VPS37B: variants seen among roughly 807,000 people sequenced by gnomAD.
VPS37B encodes vacuolar protein sorting-associated protein 37B.
A neutral mutation model predicts 21.2 loss-of-function variants in VPS37B; 11 were observed. The ratio of observed to expected loss-of-function variants is 0.52; its 90% CI spans 0.33 to 0.86. VPS37B has a LOEUF of 0.86. VPS37B is among the 40% of genes least tolerant of loss of function. The probability of loss-of-function intolerance (pLI) is 0.03; values close to 1 mark genes in which losing one functional copy is unlikely to be tolerated. For synonymous variants in VPS37B, 175 were observed against 159.6 expected (o/e 1.10, Z -0.73); for missense variants, 389 against 374.8 (o/e 1.04, Z -0.31).
chr12:122,888,045 C>T (rs2034354596), intron 1 of VPS37B: 2 of 157,708 alleles, frequency 1.3e-5, no homozygotes, highest in Admixed American at 1.3e-4. Flanking sequence ...CTCTACTATC[C>T]TAGACACTGG....
At chr12:122,875,976 A>C (rs1222472397) in intron 1 of VPS37B, 1 of 152,216 alleles carries the variant, frequency 6.6e-6, no homozygotes, top group African/African-American at 2.4e-5. Flanking sequence ...TGTTAACCAT[A>C]GAAAAGTCTT....
intron 1 of VPS37B, chr12:122,878,253 G>T (rs1310529298): frequency 1.3e-5 from 2 of 151,994 alleles, no homozygotes; most frequent in African/African-American, 4.8e-5. Context: ...CAGCTACTCA[G>T]GAGGCTGAGG....
chr12:122,879,454 T>G (rs1253651051), intron 1 of VPS37B: 2 of 152,558 alleles, frequency 1.3e-5, no homozygotes, highest in Non-Finnish European at 2.9e-5. Flanking sequence ...GGCCAGGTCC[T>G]CCAACCCTCC....
At chr12:122,892,501 A>AT (rs1467878916) in intron 1 of VPS37B, among the ~76,000 whole-genome samples, 1 of 141,900 alleles carries the variant, frequency 7.0e-6, no homozygotes, top group African/African-American at 2.4e-5. Context: ...CCTTCTGCCA[A>AT]TTAAAAAAAA....
chr12:122,874,267 G>C (rs913155821), intron 1 of VPS37B: 1 of 152,176 alleles, frequency 6.6e-6, no homozygotes, highest in African/African-American at 2.4e-5. Flanking sequence ...TGTGCCTTAC[G>C]ATCCCCGTTT....
intron 1 of VPS37B, chr12:122,882,766 C>G (rs2034264552): frequency 1.3e-5 from 2 of 152,156 alleles, no homozygotes; most frequent in South Asian, 4.1e-4. Flanking sequence ...TTTAAAAGTC[C>G]AAATTCACCT....
intron 1 of VPS37B, chr12:122,876,841 A>G (rs1350253887): frequency 6.6e-6 from 1 of 152,270 alleles, no homozygotes; most frequent in Non-Finnish European, 1.5e-5. Flanking sequence ...TCCCCTCTGC[A>G]TATGCCACGG....
At position 122,895,965 on chromosome 12, in the gene VPS37B, T is replaced by C; in HGVS notation, c.98A>G (p.Gln33Arg). 1 of 1,610,876 alleles carries C rather than the reference T, an allele frequency of 6.2e-7. No individual in the cohort carries two copies. Among genetic ancestry groups the C allele is most frequent in the Non-Finnish European group, 8.5e-7 (1 of 1,178,716 alleles). The change falls in exon 1 of 4, where the codon CAG becomes CGG. Residue 33 changes from glutamine (Q) to arginine (R), a missense_variant. Coordinates refer to ENST00000267202, the MANE Select transcript of VPS37B (RefSeq NM_024667.3). ...EDEGQLTEMV[Q>R]KMEETQNVQL... ...AGCTCGGCTCACCTCCTCCATCTTC[T>C]GCACCATCTCCGTCAGCTGGCCCTC...
At chr12:122,888,476 G>C (rs1369081853) in intron 1 of VPS37B, 1 of 448,962 alleles carries the variant, frequency 2.2e-6, no homozygotes, top group Non-Finnish European at 4.5e-6. Context: ...GATTACCTAC[G>C]AGTGGCTGGC....
At chr12:122,892,548 T>C (rs2034431451) in intron 1 of VPS37B, among the ~76,000 whole-genome samples, 1 of 152,090 alleles carries the variant, frequency 6.6e-6, no homozygotes, top group South Asian at 2.1e-4. Flanking sequence ...TAAGAAATTC[T>C]ATGCTGGGAA....
At chr12:122,872,347 A>G in intron 1 of VPS37B, 1 of 985,472 alleles carries the variant, frequency 1.0e-6, no homozygotes, top group Non-Finnish European at 1.2e-6. Flanking sequence ...CTGCATCTCC[A>G]GACAACAGCT....
chr12:122,883,905 A>G (rs2034285665), intron 1 of VPS37B: 1 of 152,284 alleles, frequency 6.6e-6, no homozygotes, highest in African/African-American at 2.4e-5. Flanking sequence ...GATAACTGGC[A>G]TATGTTATAA....
intron 1 of VPS37B, 67 bp downstream of exon 1, chr12:122,895,885 C>T (rs925644452): frequency 5.5e-5 from 81 of 1,480,610 alleles, no homozygotes; most frequent in Non-Finnish European, 7.5e-5. Flanking sequence ...CCGCCTCCGG[C>T]CACCGTTCGA....
At chr12:122,895,159 G>T (rs1391311895) in intron 1 of VPS37B, among the ~76,000 whole-genome samples, 2 of 151,966 alleles carry the variant, frequency 1.3e-5, no homozygotes, top group South Asian at 2.1e-4. Context: ...CCTGGCTATG[G>T]TATGACCATG....
intron 1 of VPS37B, chr12:122,888,856 C>CTTTTTT: frequency 3.4e-6 from 1 of 298,418 alleles, no homozygotes; most frequent in Non-Finnish European, 6.7e-6. Flanking sequence ...TTTCTGTCTC[C>CTTTTTT]AAGCAGAGCA....
At chr12:122,878,387 A>T (rs896421496) in intron 1 of VPS37B, 2 of 151,724 alleles carry the variant, frequency 1.3e-5, no homozygotes, top group African/African-American at 4.9e-5. Flanking sequence ...AAAGAAAGAA[A>T]AACAAAACAA....
rs1277724524 is a variant in VPS37B at position 122,868,276 on chromosome 12, C to A, written c.366+204G>T. On this transcript the variant is annotated intron_variant, in intron 3 of 3. Transcript: ENST00000267202. The surrounding 1 kb of genome is among the most constrained non-coding windows in gnomAD (Gnocchi z 5.5). Reference sequence around the variant, plus strand: ...CTCTCTTGGCCCTCGCTCGGACCTGCCCTCACTCACCCCGCTGCTCCCTGG... The same window carrying A: ...CTCTCTTGGCCCTCGCTCGGACCTGACCTCACTCACCCCGCTGCTCCCTGG... Among the ~76,000 whole-genome samples, 1 of 152,096 alleles carries A rather than the reference C, an allele frequency of 6.6e-6. No homozygotes were observed. The highest frequency in any genetic ancestry group is 1.5e-5 in the Non-Finnish European group (1 of 67,996).
intron 1 of VPS37B, chr12:122,889,718 G>A (rs2135712428): frequency 7.2e-6 from 1 of 139,650 alleles, no homozygotes; most frequent in Middle Eastern, 3.5e-3. Context: ...GCAAAACTCG[G>A]TCTCAAAAAA....
At chr12:122,891,743 G>A (rs1400823377) in intron 1 of VPS37B, among the ~76,000 whole-genome samples, 2 of 152,190 alleles carry the variant, frequency 1.3e-5, no homozygotes, top group Non-Finnish European at 2.9e-5. Context: ...TTTAAAGCAA[G>A]GTCAATACAT....
Sources: allele counts gnomAD v4.1 joint callset (sites outside exome capture counted in the v4.1 genomes callset), GRCh38; gene constraint gnomAD v4.1.1; non-coding constraint Gnocchi (gnomAD v3.1); transcripts MANE v1.5; gene names NCBI Gene and HGNC (gene_info 2026-07-23, HGNC 2026-07-21).